CHD5: variants seen among roughly 807,000 people sequenced by gnomAD.
CHD5 encodes ATP-dependent chromatin remodeler CHD5.
Under a neutral mutation model 230.3 loss-of-function variants are expected in CHD5, and 69 were observed. That is an observed-to-expected ratio of 0.30 (90% CI 0.25 to 0.37). CHD5 has a LOEUF of 0.37. Ranked by LOEUF, CHD5 falls within the 10% of genes least tolerant of loss-of-function variation. The pLI, the probability that CHD5 is intolerant of heterozygous loss-of-function variation, is 1.00. For missense variants in CHD5, 1,827 were observed against 2,622.8 expected (o/e 0.70, Z 6.63); for synonymous variants, 1,064 against 1,065.9 (o/e 1.00, Z 0.03).
chr1:6,111,483 G>A (rs1408262761), intron 36 of CHD5, among the ~76,000 whole-genome samples: 1 of 150,496 alleles, frequency 6.6e-6, no homozygotes, highest in African/African-American at 2.5e-5. Context: ...GCAGTGAGCC[G>A]AGATCAAGCT....
Position 6,134,954 on chromosome 1 carries a change from C to T in CHD5, c.2871-95G>A. Reference sequence around the variant, plus strand: ...GTGGGGCTGGAAGCTGGTGGCCAAGCACCCATTTACAGAGAGACCCAAGGG... The same window carrying T: ...GTGGGGCTGGAAGCTGGTGGCCAAGTACCCATTTACAGAGAGACCCAAGGG... On this transcript the variant is annotated intron_variant, in intron 18 of 41. Coordinates refer to ENST00000262450, the MANE Select transcript of CHD5 (RefSeq NM_015557.3). This position sits in a 1 kb window ranked among gnomAD's most constrained non-coding sequence, Gnocchi z 6.3. 1.3e-6 allele frequency: 2 copies of T among 1,519,204 alleles called. No individual in the cohort carries two copies. Among genetic ancestry groups the T allele is most frequent in the Non-Finnish European group, 9.0e-7 (1 of 1,106,752 alleles). The allele number at this position is 1,519,204 out of a possible 1,614,324, so 94.1% of individuals were successfully genotyped here. A position where few individuals can be genotyped will look rare whatever the true frequency, so the allele number is the denominator to read the frequency against.
chr1:6,112,435 CCTCT>C (rs1209649787), intron 34 of CHD5, among the ~76,000 whole-genome samples, 158 bp from the exon 35 acceptor site: 1 of 152,280 alleles, frequency 6.6e-6, no homozygotes, highest in East Asian at 1.9e-4. Context: ...AAGCCAACGG[CCTCT>C]CTCTCTGTCC....
Position 6,167,981 on chromosome 1 carries a change from G to A in CHD5, c.207+169C>T, listed in dbSNP as rs571743552. On this transcript the variant is annotated intron_variant, in intron 2 of 41. Coordinates refer to ENST00000262450, the MANE Select transcript of CHD5 (RefSeq NM_015557.3). This position sits in a 1 kb window ranked among gnomAD's most constrained non-coding sequence, Gnocchi z 4.5. Reference sequence around the variant, plus strand: ...TCAGCAACGTCTTAAAAAGGCTTCCGTGCACAACGCTTCATACGAGAAACT... The same window carrying A: ...TCAGCAACGTCTTAAAAAGGCTTCCATGCACAACGCTTCATACGAGAAACT... Among the ~76,000 whole-genome samples the A allele has an allele frequency of 1.3e-5, 2 of 152,224 alleles. No individual in the cohort carries two copies. The highest frequency in any genetic ancestry group is 2.1e-4 in the South Asian group (1 of 4,824).
chr1:6,148,812 G>A (rs1158527449), intron 9 of CHD5, 42 bp downstream of exon 9: 3 of 1,462,424 alleles, frequency 2.1e-6, no homozygotes, highest in Non-Finnish European at 2.7e-6. Context: ...CTGTTCCTGG[G>A]GTGGGGCGGG....
chr1:6,177,148 AATC>A (rs1310998230), intron 1 of CHD5, among the ~76,000 whole-genome samples: 1 of 152,236 alleles, frequency 6.6e-6, no homozygotes, highest in Non-Finnish European at 1.5e-5. Flanking sequence ...TAGACTGAAA[AATC>A]ATCATGACAG....
At chr1:6,151,909 G>A (rs1279193550) in intron 6 of CHD5, among the ~76,000 whole-genome samples, 1 of 152,198 alleles carries the variant, frequency 6.6e-6, no homozygotes, top group Non-Finnish European at 1.5e-5. Context: ...CCTGGGCTTA[G>A]TGTCTGAGCC....
rs1055481182 is a variant in CHD5, at chr1:6,131,610, C to G, written c.3262+21G>C. 6.9e-7 allele frequency: 1 copy of G among 1,449,022 alleles called. No homozygotes were observed. The highest frequency in any genetic ancestry group is 9.7e-7 in the Non-Finnish European group (1 of 1,030,442). 89.8% of individuals were successfully genotyped at this position (1,449,022 alleles called of 1,614,324 possible). On this transcript the variant is annotated intron_variant, in intron 21 of 41. Coordinates refer to ENST00000262450, the MANE Select transcript of CHD5 (RefSeq NM_015557.3). The surrounding 1 kb of genome is among the most constrained non-coding windows in gnomAD (Gnocchi z 5.0). ...GCCAAAAAGGAGTCTCAATCAGAAC[C>G]CTTGGGCAGGATGGGGGTACCATTG...
rs201101654 is a variant in CHD5, at chr1:6,177,604, TG to T, written c.79+2340del. On this transcript the variant is annotated intron_variant, in intron 1 of 41. Coordinates refer to ENST00000262450, the MANE Select transcript of CHD5 (RefSeq NM_015557.3). ...TGAGCACAGGAGTTCAAATCCAGCTTGGGCAACACAGCAAGACCCCATCTCT... is the reference window on the plus strand; with the variant it reads ...TGAGCACAGGAGTTCAAATCCAGCTTGGCAACACAGCAAGACCCCATCTCT... Among the ~76,000 whole-genome samples, 1,455 of 152,222 alleles carry T rather than the reference TG, an allele frequency of 9.6e-3. 15 individuals carry two copies. The highest frequency in any genetic ancestry group is 0.016 in the Non-Finnish European group (1,118 of 68,016).
At chr1:6,141,010 G>A (rs906168526) in intron 15 of CHD5, among the ~76,000 whole-genome samples, 50 of 123,448 alleles carry the variant, frequency 4.1e-4, no homozygotes, top group Admixed American at 1.2e-3. Context: ...TAGGCTGAGC[G>A]TGGTGGCTCA....
Position 6,128,461 on chromosome 1 carries a change from C to A in CHD5, c.3730+38G>T, listed in dbSNP as rs367776734. The A allele has an allele frequency of 2.0e-6, 3 of 1,512,096 alleles. No individual in the cohort carries two copies. Among genetic ancestry groups the A allele is most frequent in the South Asian group, 2.3e-5 (2 of 88,250 alleles). The allele number at this position is 1,512,096 out of a possible 1,614,324, so 93.7% of individuals were successfully genotyped here. On this transcript the variant is annotated intron_variant, in intron 24 of 41. Transcript: ENST00000262450. This position sits in a 1 kb window ranked among gnomAD's most constrained non-coding sequence, Gnocchi z 7.8. ...TCCTCTGCAGGAGCAGCCACCTGGT[C>A]GGAGGAGGAGCTGAGGCTGGGCTGG... is the stretch of plus-strand genomic sequence containing the variant.
chr1:6,147,761 C>T (rs1252510479), intron 9 of CHD5, among the ~76,000 whole-genome samples: 3 of 152,208 alleles, frequency 2.0e-5, no homozygotes, highest in Non-Finnish European at 4.4e-5. Flanking sequence ...TGCCACATCA[C>T]ACCTGAAGGC....
At chr1:6,179,125 G>C (rs143176501) in intron 1 of CHD5, among the ~76,000 whole-genome samples, 15 of 152,348 alleles carry the variant, frequency 9.8e-5, no homozygotes, top group Non-Finnish European at 2.2e-4. Flanking sequence ...GCACAGCCCT[G>C]TGTATACTAA....
Position 6,130,364 on chromosome 1 carries a change from G to C in CHD5, c.3263-36C>G, listed in dbSNP as rs369240510. ...GAGGCCAGCAGATGGGAGTGTTTGG[G>C]GGGGTACACCTTGGGTGGGCAGAAA... On this transcript the variant is annotated intron_variant, in intron 21 of 41. Coordinates refer to ENST00000262450, the MANE Select transcript of CHD5 (RefSeq NM_015557.3). This position sits in a 1 kb window ranked among gnomAD's most constrained non-coding sequence, Gnocchi z 4.9. 11 of 1,607,366 alleles carry C rather than the reference G, an allele frequency of 6.8e-6. No homozygotes were observed. The highest frequency in any genetic ancestry group is 1.7e-5 in the Admixed American group (1 of 59,850).
chr1:6,115,403 C>T (rs1666364335), intron 33 of CHD5, among the ~76,000 whole-genome samples: 1 of 152,196 alleles, frequency 6.6e-6, no homozygotes, highest in South Asian at 2.1e-4. Context: ...ACTCGACTCC[C>T]CAGAGCAGGT....
At chr1:6,152,686 G>T in intron 5 of CHD5, 150 bp from the exon 6 acceptor site, 2 of 1,339,952 alleles carry the variant, frequency 1.5e-6, no homozygotes, top group Non-Finnish European at 2.0e-6. Context: ...GCTTGGAGAG[G>T]TAAACCCCTT....
chr1:6,111,680 C>T (rs562582222), intron 36 of CHD5, 95 bp downstream of exon 36: 36 of 940,434 alleles, frequency 3.8e-5, no homozygotes, highest in East Asian at 2.5e-4. Flanking sequence ...TGAGGAAGAA[C>T]GAGGAAGGCT....
In CHD5 at chr1:6,130,128, G is replaced by A. The variant is rs751538826; in HGVS notation, c.3387+76C>T. 539 of 1,543,482 alleles carry A rather than the reference G, an allele frequency of 3.5e-4. 1 individual carries two copies. Among genetic ancestry groups the A allele is most frequent in the Non-Finnish European group, 4.6e-4 (522 of 1,123,628 alleles). ...AGGTGAGGGGGTGATGGCAAGAAGG[G>A]CATGAAGGACAGAACCTGCCTGAGG... On this transcript the variant is annotated intron_variant, in intron 22 of 41. Coordinates refer to ENST00000262450, the MANE Select transcript of CHD5 (RefSeq NM_015557.3). The surrounding 1 kb of genome is among the most constrained non-coding windows in gnomAD (Gnocchi z 4.9).
Position 6,124,120 on chromosome 1 carries a change from GAGGGAAGGTGGA to G in CHD5, c.4540-25_4540-14del. On this transcript the variant is annotated splice_polypyrimidine_tract_variant and intron_variant, in intron 30 of 41. Coordinates refer to ENST00000262450, the MANE Select transcript of CHD5 (RefSeq NM_015557.3). ...CAAACTCCTGAACCTGGGGTGGTGG[GAGGGAAGGTGGA>G]AGGGAAAGAGGGAGGGCAGTGGTGG... 1 of 1,610,554 alleles carries G rather than the reference GAGGGAAGGTGGA, an allele frequency of 6.2e-7. No individual in the cohort carries two copies. The highest frequency in any genetic ancestry group is 8.5e-7 in the Non-Finnish European group (1 of 1,178,460).
In CHD5 at chr1:6,111,459, G is replaced by A. The variant is rs142974773; in HGVS notation, c.5249+316C>T. Reference sequence around the variant, plus strand: ...TGAGGCAGGAGAATCGCTTGAACCCGGGAGGCAGCAGTTGCAGTGAGCCGA... The same window carrying A: ...TGAGGCAGGAGAATCGCTTGAACCCAGGAGGCAGCAGTTGCAGTGAGCCGA... On this transcript the variant is annotated intron_variant, in intron 36 of 41. Coordinates refer to ENST00000262450, the MANE Select transcript of CHD5 (RefSeq NM_015557.3). Among the ~76,000 whole-genome samples, 344 of 151,558 alleles carry A rather than the reference G, an allele frequency of 2.3e-3. 1 individual carries two copies. Among genetic ancestry groups the A allele is most frequent in the Middle Eastern group, 6.8e-3 (2 of 294 alleles).
Sources: allele counts gnomAD v4.1 joint callset (sites outside exome capture counted in the v4.1 genomes callset), GRCh38; gene constraint gnomAD v4.1.1; non-coding constraint Gnocchi (gnomAD v3.1); transcripts MANE v1.5; gene names NCBI Gene and HGNC (gene_info 2026-07-23, HGNC 2026-07-21).